Variants in ARIH1 observed in about 807,000 individuals in gnomAD.
ARIH1 encodes ariadne RBR E3 ubiquitin protein ligase 1, also known as E3 ubiquitin-protein ligase ARIH1.
ARIH1 carries 8 observed loss-of-function variants against 85.0 expected under a neutral mutation model. The ratio of observed to expected loss-of-function variants is 0.09; its 90% confidence interval spans 0.06 to 0.17. The LOEUF is 0.17. Ranked by LOEUF, ARIH1 falls within the 10% of genes least tolerant of loss-of-function variation. ARIH1 has a pLI of 1.00. For missense variants in ARIH1, 311 were observed against 718.1 expected (o/e 0.43, Z 6.48); for synonymous variants, 238 against 253.6 (o/e 0.94, Z 0.59).
At chr15:72,547,445 C>T (rs2064134696) in intron 3 of ARIH1, among the ~76,000 whole-genome samples, 2 of 152,090 alleles carry the variant, frequency 1.3e-5, no homozygotes, top group Non-Finnish European at 2.9e-5. Context: ...ATTGGCCAGG[C>T]TGGTCTTGAA....
intron 9 of ARIH1, among the ~76,000 whole-genome samples, chr15:72,569,953 C>T (rs539241143): frequency 6.6e-6 from 1 of 152,172 alleles, no homozygotes; most frequent in Non-Finnish European, 1.5e-5. Flanking sequence ...TTTAAAAAAA[C>T]AAGTCCTTAA....
rs2064384602 is a variant in ARIH1 at position 72,602,260 on chromosome 15, T to C, written c.*18968T>C. 6.6e-6 allele frequency: 1 copy of C among 152,274 alleles called. No homozygotes were observed. Among genetic ancestry groups the C allele is most frequent in the Non-Finnish European group, 1.5e-5 (1 of 68,046 alleles). The allele number at this position is 152,274 out of a possible 1,614,324, so 9.4% of individuals were successfully genotyped here. Reference sequence around the variant, plus strand: ...GTAGTTATTGCCAAACTGCTCTCAATGGAAGTTTTATGAATTCCCACTAGT... The same window carrying C: ...GTAGTTATTGCCAAACTGCTCTCAACGGAAGTTTTATGAATTCCCACTAGT... On this transcript the variant is annotated 3_prime_UTR_variant, in exon 14 of 14. Coordinates refer to ENST00000379887, the MANE Select transcript of ARIH1 (RefSeq NM_005744.5).
chr15:72,577,282 C>T (rs2064276004), intron 11 of ARIH1, among the ~76,000 whole-genome samples: 1 of 151,928 alleles, frequency 6.6e-6, no homozygotes. Context: ...ACTCACTGTG[C>T]CTGGCATATA....
At chr15:72,567,269 G>T in intron 9 of ARIH1, 92 bp downstream of exon 9, 3 of 925,116 alleles carry the variant, frequency 3.2e-6, no homozygotes, top group South Asian at 3.2e-5. Flanking sequence ...CCTACTTACA[G>T]GCTTTGTTTC....
chr15:72,503,352 TAC>T (rs2063911503), intron 1 of ARIH1, among the ~76,000 whole-genome samples: 1 of 152,204 alleles, frequency 6.6e-6, no homozygotes, highest in Non-Finnish European at 1.5e-5. Flanking sequence ...TTTTATTGTG[TAC>T]ATCCCCTAGC....
intron 1 of ARIH1, among the ~76,000 whole-genome samples, chr15:72,477,417 AT>A (rs2063798944): frequency 6.6e-6 from 1 of 152,240 alleles, no homozygotes; most frequent in Admixed American, 6.5e-5. Context: ...ACTCTTAAAC[AT>A]TTAAATTCCC....
intron 2 of ARIH1, among the ~76,000 whole-genome samples, chr15:72,525,653 C>T (rs1595861334): frequency 6.6e-6 from 1 of 152,168 alleles, no homozygotes; most frequent in East Asian, 1.9e-4. Flanking sequence ...AAGTGATTGC[C>T]CATTAAAATC....
chr15:72,480,494 C>A (rs2063811761), intron 1 of ARIH1, among the ~76,000 whole-genome samples: 1 of 152,010 alleles, frequency 6.6e-6, no homozygotes, highest in Admixed American at 6.6e-5. Context: ...CTCCTGACCT[C>A]AAATGATCGA....
chr15:72,553,589 T>G (rs2064161927), intron 3 of ARIH1, among the ~76,000 whole-genome samples: 1 of 152,162 alleles, frequency 6.6e-6, no homozygotes, highest in Non-Finnish European at 1.5e-5. Flanking sequence ...GTTTTCTTTG[T>G]CAATGGATAT....
At chr15:72,514,943 C>T (rs562962087) in intron 1 of ARIH1, among the ~76,000 whole-genome samples, 8 of 151,980 alleles carry the variant, frequency 5.3e-5, no homozygotes, top group Non-Finnish European at 1.0e-4. Context: ...GCCTAGATCA[C>T]GCCACTGCAC....
intron 1 of ARIH1, among the ~76,000 whole-genome samples, chr15:72,505,506 T>C (rs1267549769): frequency 1.3e-5 from 2 of 152,206 alleles, no homozygotes; most frequent in East Asian, 3.8e-4. Flanking sequence ...TGAAAAAATG[T>C]ATAAATGGGA....
intron 1 of ARIH1, among the ~76,000 whole-genome samples, chr15:72,483,026 G>T (rs530647906): frequency 9.9e-5 from 15 of 151,968 alleles, no homozygotes; most frequent in African/African-American, 3.6e-4. Flanking sequence ...GTTTTTGTGG[G>T]TTTTTTGGTA....
rs536919861 is a variant in ARIH1, at chr15:72,486,868, A to G, written c.375+11854A>G. ...ATCACCACACCTGGCTAATTTTTGT[A>G]TTTTTTGGTAGAGACAGGGTTTCAC... On this transcript the variant is annotated intron_variant, in intron 1 of 13. Coordinates refer to ENST00000379887, the MANE Select transcript of ARIH1 (RefSeq NM_005744.5). 2.2e-4 allele frequency among the ~76,000 whole-genome samples: 33 copies of G among 150,286 alleles called. 1 individual carries two copies. The South Asian group carries it at 6.3e-3, about 29-fold the overall frequency.
At chr15:72,542,042 A>T (rs73444774) in intron 2 of ARIH1, among the ~76,000 whole-genome samples, 5,830 of 152,278 alleles carry the variant, frequency 0.038, 332 homozygotes, top group African/African-American at 0.13. Context: ...TTTCCAATAG[A>T]TGAAACAACC....
At chr15:72,541,061 G>A (rs931946520) in intron 2 of ARIH1, among the ~76,000 whole-genome samples, 21 of 152,198 alleles carry the variant, frequency 1.4e-4, no homozygotes, top group African/African-American at 4.8e-4. Context: ...TGGAGGCTGC[G>A]AAGGCCTGGA....
chr15:72,522,464 G>A (rs2064004620), intron 2 of ARIH1, among the ~76,000 whole-genome samples: 2 of 152,128 alleles, frequency 1.3e-5, no homozygotes, highest in Admixed American at 1.3e-4. Flanking sequence ...AGGTTGTGGT[G>A]AGCTGAGATT....
intron 2 of ARIH1, among the ~76,000 whole-genome samples, chr15:72,539,378 A>G (rs1372358696): frequency 2.0e-5 from 3 of 152,202 alleles, no homozygotes; most frequent in East Asian, 1.9e-4. Context: ...GAAATTAAAC[A>G]TAAGACTCTT....
chr15:72,544,327 T>C (rs1289651677), intron 2 of ARIH1, among the ~76,000 whole-genome samples: 1 of 152,162 alleles, frequency 6.6e-6, no homozygotes, highest in Non-Finnish European at 1.5e-5. Flanking sequence ...TTTAAATTGC[T>C]TTAACTAAAA....
chr15:72,511,502 A>C (rs2063950404), intron 1 of ARIH1, among the ~76,000 whole-genome samples: 1 of 152,086 alleles, frequency 6.6e-6, no homozygotes, highest in Non-Finnish European at 1.5e-5. Context: ...ATGGGGTTTC[A>C]TCATGTTGGC....
Sources: allele counts gnomAD v4.1 joint callset (sites outside exome capture counted in the v4.1 genomes callset), GRCh38; gene constraint gnomAD v4.1.1; transcripts MANE v1.5; gene names NCBI Gene and HGNC (gene_info 2026-07-23, HGNC 2026-07-21).